IST1: variants seen among roughly 807,000 people sequenced by gnomAD.
IST1 encodes the protein IST1 factor associated with ESCRT-III, also known as IST1 homolog.
A neutral mutation model predicts 37.0 loss-of-function variants in IST1; 23 were observed. The ratio of observed to expected loss-of-function variants is 0.62; its 90% CI spans 0.45 to 0.88. The LOEUF is 0.88. IST1 is among the 40% of genes least tolerant of loss of function. The probability of loss-of-function intolerance (pLI) is 0.00; values close to 1 mark genes in which losing one functional copy is unlikely to be tolerated. For missense variants in IST1, 488 were observed against 445.4 expected (o/e 1.10, Z -0.86); for synonymous variants, 180 against 161.7 (o/e 1.11, Z -0.86).
rs201682392 is a variant in IST1 at position 71,922,691 on chromosome 16, A to G, written c.759+11A>G. 84 of 1,456,010 alleles carry G rather than the reference A, an allele frequency of 5.8e-5. No homozygotes were observed. The highest frequency in any genetic ancestry group is 1.5e-4 in the East Asian group (6 of 41,188). The allele number at this position is 1,456,010 out of a possible 1,614,324, so 90.2% of individuals were successfully genotyped here. On this transcript the variant is annotated intron_variant, in intron 7 of 9. Transcript: ENST00000378799. ...CTGCCAAAGGGACCAGTAAGTATATATAAGTGTGGATGTAAGCTTTAGAAA... is the reference window on the plus strand; with the variant it reads ...CTGCCAAAGGGACCAGTAAGTATATGTAAGTGTGGATGTAAGCTTTAGAAA...
chr16:71,908,543 A>C (rs1234709561), intron 1 of IST1, among the ~76,000 whole-genome samples: 2 of 152,090 alleles, frequency 1.3e-5, no homozygotes, highest in Non-Finnish European at 2.9e-5. Flanking sequence ...GGCCTCCCAC[A>C]GTGTTGGGAT....
chr16:71,912,239 A>T (rs987881380), intron 1 of IST1, among the ~76,000 whole-genome samples: 1 of 151,820 alleles, frequency 6.6e-6, no homozygotes, highest in Non-Finnish European at 1.5e-5. Context: ...TGTCTCCATT[A>T]TAAAAATTTT....
Position 71,924,796 on chromosome 16 carries a change from A to G in IST1, c.880A>G (p.Ile294Val), listed in dbSNP as rs372177526. Residue 294 changes from isoleucine to valine, a missense_variant, in exon 9 of 10, where the codon ATC (isoleucine) becomes GTC (valine). Physicochemically the swap from Ile to Val is conservative, Grantham distance 29 (BLOSUM62 3). Coordinates refer to ENST00000378799, the MANE Select transcript of IST1 (RefSeq NM_001270975.2). ...SVDDINADKN[I>V]SSAQIVGPGP... ...AGATGACATTAATGCTGATAAGAAT[A>G]TCTCTTCTGCACAGATTGTTGGTGA... is the stretch of plus-strand genomic sequence containing the variant. 6 of 1,610,080 alleles carry G rather than the reference A, an allele frequency of 3.7e-6. No homozygotes were observed. Among genetic ancestry groups the G allele is most frequent in the Middle Eastern group, 1.6e-4 (1 of 6,080 alleles).
intron 1 of IST1, among the ~76,000 whole-genome samples, chr16:71,897,042 G>A (rs774028055): frequency 6.6e-6 from 1 of 151,886 alleles, no homozygotes; most frequent in African/African-American, 2.4e-5. Context: ...TTCTGCAGAC[G>A]GGGGTCTCAC....
rs961332295 is a variant in IST1, at chr16:71,895,531, A to G, written c.-74A>G. Reference sequence around the variant, plus strand: ...TTGTGCTGAGGCCGAGGGAGTCGCCATTTTGGATGGTGAACCCTGAAGTCG... The same window carrying G: ...TTGTGCTGAGGCCGAGGGAGTCGCCGTTTTGGATGGTGAACCCTGAAGTCG... On this transcript the variant is annotated 5_prime_UTR_variant, in exon 1 of 10. Transcript: ENST00000378799. 41 of 985,516 alleles carry G rather than the reference A, an allele frequency of 4.2e-5. No homozygotes were observed. The Admixed American group carries it at 4.9e-4, about 12-fold the overall frequency. 61.0% of individuals were successfully genotyped at this position (985,516 alleles called of 1,614,324 possible). A position where few individuals can be genotyped will look rare whatever the true frequency, so the allele number is the denominator to read the frequency against.
At chr16:71,895,425 C>T, upstream of IST1, 1 of 747,376 alleles carries the variant, frequency 1.3e-6, no homozygotes, top group Non-Finnish European at 1.6e-6. Flanking sequence ...GCGTGGGTCC[C>T]GGCAGCGGCG....
At chr16:71,924,880 AT>A in intron 9 of IST1, 63 bp downstream of exon 9, 2 of 1,142,286 alleles carry the variant, frequency 1.8e-6, no homozygotes, top group Non-Finnish European at 2.7e-6. Flanking sequence ...TTTTCTCATT[AT>A]TGTTCCTCCC....
At chr16:71,918,773 T>C (rs1283712169) in intron 4 of IST1, among the ~76,000 whole-genome samples, 1 of 152,096 alleles carries the variant, frequency 6.6e-6, no homozygotes, top group Non-Finnish European at 1.5e-5. Flanking sequence ...TTAAATATGT[T>C]ACAAAACTCA....
At position 71,928,034 on chromosome 16, in the gene IST1, T is replaced by C. The variant is rs1387609777; in HGVS notation, c.*221T>C. On this transcript the variant is annotated 3_prime_UTR_variant, in exon 10 of 10. Transcript: ENST00000378799. ...GACTGAGGCCAGAGCAACTGGCTCC[T>C]GGCAGCTGTGCTTGTCCGTTTCCTG... 9.6e-6 allele frequency: 5 copies of C among 518,290 alleles called. No homozygotes were observed. The highest frequency in any genetic ancestry group is 1.9e-5 in the African/African-American group (1 of 51,882). 32.1% of individuals were successfully genotyped at this position (518,290 alleles called of 1,614,324 possible). A position where few individuals can be genotyped will look rare whatever the true frequency, so the allele number is the denominator to read the frequency against.
At chr16:71,894,565 G>T (rs2036926999), upstream of IST1, 15 of 306,406 alleles carry the variant, frequency 4.9e-5, no homozygotes, top group East Asian at 1.4e-4. Context: ...TTTTTCTGTA[G>T]CCTAGGCTGG....
intron 1 of IST1, among the ~76,000 whole-genome samples, chr16:71,897,658 A>C (rs1351371696): frequency 2.0e-5 from 3 of 152,198 alleles, no homozygotes; most frequent in Admixed American, 1.3e-4. Flanking sequence ...ATTCTTATTG[A>C]GTGGAGGCCG....
intron 1 of IST1, chr16:71,903,313 A>T (rs963167712): frequency 2.0e-5 from 3 of 151,782 alleles, no homozygotes; most frequent in Non-Finnish European, 2.9e-5. Flanking sequence ...TAATGATATA[A>T]TTTTTTCTCT....
Position 71,906,402 on chromosome 16 carries a change from T to C in IST1, c.-15-9224T>C, listed in dbSNP as rs1264488434. Among the ~76,000 whole-genome samples the C allele has an allele frequency of 5.9e-5, 9 of 151,792 alleles. 1 individual carries two copies. The highest frequency in any genetic ancestry group is 3.9e-4 in the Admixed American group (6 of 15,244). ...AGCTCACTGCAGCCTCTACCTACTGTGTTCAAGCGGTTCTCCTGCCTCAGC... is the reference window on the plus strand; with the variant it reads ...AGCTCACTGCAGCCTCTACCTACTGCGTTCAAGCGGTTCTCCTGCCTCAGC... On this transcript the variant is annotated intron_variant, in intron 1 of 9. Transcript: ENST00000378799.
At position 71,929,866 on chromosome 16, in the gene IST1, T is replaced by C. The variant is rs527484044; in HGVS notation, c.*2053T>C. The C allele has an allele frequency of 4.2e-6, 4 of 962,920 alleles. No homozygotes were observed. In the South Asian group the frequency reaches 7.3e-5, roughly 18 times the overall value. 59.6% of individuals were successfully genotyped at this position (962,920 alleles called of 1,614,324 possible). On this transcript the variant is annotated 3_prime_UTR_variant, in exon 10 of 10. Coordinates refer to ENST00000378799, the MANE Select transcript of IST1 (RefSeq NM_001270975.2). ...AGCCAACTATTTATAGGACAATGGC[T>C]ATAGAATATTATGTAGTCTTATAAA... is the stretch of plus-strand genomic sequence containing the variant.
intron 9 of IST1, among the ~76,000 whole-genome samples, chr16:71,926,323 A>G (rs1046395301): frequency 1.3e-5 from 2 of 152,022 alleles, no homozygotes; most frequent in Non-Finnish European, 2.9e-5. Context: ...TTATGGAGAT[A>G]CAATTTACAT....
chr16:71,930,060 A>ACTTT lies in IST1; in HGVS notation c.*2256_*2259dup, dbSNP rs779306705. On this transcript the variant is annotated 3_prime_UTR_variant, in exon 10 of 10. Transcript: ENST00000378799. Reference sequence around the variant, plus strand: ...ATCTTTTAGTTACCTACCTTAAGCGACTTTCTTTCTTTTCCAAAGGCCATG... The same window carrying ACTTT: ...ATCTTTTAGTTACCTACCTTAAGCGACTTTCTTTCTTTCTTTTCCAAAGGCCATG... The ACTTT allele has an allele frequency of 2.6e-6, 4 of 1,549,006 alleles. No homozygotes were observed. The South Asian group carries it at 3.6e-5, about 14-fold the overall frequency.
upstream of IST1, chr16:71,894,931 A>C: frequency 1.9e-6 from 2 of 1,074,606 alleles, no homozygotes; most frequent in East Asian, 2.6e-5. Flanking sequence ...GGTGCTGAGG[A>C]AACACTACTG....
In IST1 at chr16:71,908,746, G is replaced by T. The variant is rs79733070; in HGVS notation, c.-15-6880G>T. Among the ~76,000 whole-genome samples, 181 of 152,282 alleles carry T rather than the reference G, an allele frequency of 1.2e-3. 2 individuals are homozygous for T. The East Asian group carries it at 0.033, about 28-fold the overall frequency. ...CTCAAGCCAGGACTAGAGAGCTCTT[G>T]ATGCTCTTTCTCTCTGCTGATGCTC... On this transcript the variant is annotated intron_variant, in intron 1 of 9. Transcript: ENST00000378799.
Position 71,930,110 on chromosome 16 carries a change from A to G in IST1, c.*2297A>G. On this transcript the variant is annotated 3_prime_UTR_variant, in exon 10 of 10. Transcript: ENST00000378799. ...GAGAATGGCCGAAACGAAAAGATTA[A>G]TTACCACAAGTACCATCAAGATGAC... The G allele has an allele frequency of 6.4e-7, 1 of 1,551,690 alleles. No homozygotes were observed. Among genetic ancestry groups the G allele is most frequent in the Non-Finnish European group, 8.7e-7 (1 of 1,146,948 alleles).
Sources: allele counts gnomAD v4.1 joint callset (sites outside exome capture counted in the v4.1 genomes callset), GRCh38; gene constraint gnomAD v4.1.1; transcripts MANE v1.5; gene names NCBI Gene and HGNC (gene_info 2026-07-23, HGNC 2026-07-21).